FRMD4A: variants seen among roughly 807,000 people sequenced by gnomAD.
FRMD4A encodes FERM domain containing 4A.
Under a neutral mutation model 129.1 loss-of-function variants are expected in FRMD4A, and 29 were observed. The ratio of observed to expected loss-of-function variants is 0.22; its 90% confidence interval spans 0.17 to 0.31. FRMD4A has a LOEUF of 0.31. Among genes scored for constraint, FRMD4A ranks in the 10% least tolerant of loss-of-function variants. The probability of loss-of-function intolerance (pLI) is 1.00; values close to 1 mark genes in which losing one functional copy is unlikely to be tolerated. For missense variants in FRMD4A, 1,272 were observed against 1,375.8 expected, an observed-to-expected ratio of 0.92 and a Z score of 1.19; for synonymous variants, 634 against 571.6, an observed-to-expected ratio of 1.11 and a Z score of -1.56.
Position 13,779,959 on chromosome 10 carries a change from T to C in FRMD4A, c.384+2963A>G, listed in dbSNP as rs1057048824. ...CTAAGGGGGTGTGACGGAGATTGCA[T>C]TCATGAGACATTCATTGCATTCGTT... On this transcript the variant is annotated intron_variant, in intron 6 of 24. Transcript: ENST00000357447. Among the ~76,000 whole-genome samples the C allele has an allele frequency of 2.0e-5, 3 of 152,192 alleles. No homozygotes were observed. In the South Asian group the frequency reaches 6.2e-4, roughly 32 times the overall value.
chr10:14,168,784 T>C (rs1412036077), intron 2 of FRMD4A, among the ~76,000 whole-genome samples: 2 of 152,180 alleles, frequency 1.3e-5, no homozygotes, highest in African/African-American at 4.8e-5. Flanking sequence ...ATACATGTTA[T>C]ACAGAAAAAA....
intron 12 of FRMD4A, among the ~76,000 whole-genome samples, chr10:13,716,958 GC>G (rs11294388): frequency 0.19 from 28,577 of 152,102 alleles, 2,861 homozygotes; most frequent in East Asian, 0.23. Flanking sequence ...CCTATCCTCT[GC>G]CCCCTGATGT....
At chr10:13,964,734 C>A (rs879648984) in intron 2 of FRMD4A, among the ~76,000 whole-genome samples, 2 of 149,272 alleles carry the variant, frequency 1.3e-5, no homozygotes, top group African/African-American at 2.5e-5. Flanking sequence ...TGCAATGGCG[C>A]GATCTCAGCT....
intron 2 of FRMD4A, among the ~76,000 whole-genome samples, chr10:14,236,995 CA>C (rs71477244): frequency 0.1 from 7,509 of 75,110 alleles, 109 homozygotes; most frequent in East Asian, 0.21. Context: ...AACAGGTCAG[CA>C]AAAAAAAAAA....
intron 2 of FRMD4A, among the ~76,000 whole-genome samples, chr10:14,040,476 G>C (rs149562295): frequency 6.6e-6 from 1 of 152,278 alleles, no homozygotes; most frequent in East Asian, 1.9e-4. Flanking sequence ...GAATTTAGCT[G>C]AAGTTAATGT....
chr10:13,751,949 G>T (rs574754887), intron 8 of FRMD4A, among the ~76,000 whole-genome samples: 1 of 152,236 alleles, frequency 6.6e-6, no homozygotes, highest in Admixed American at 6.5e-5. Context: ...CCAGGAGTTT[G>T]ACATTAGAGT....
intron 8 of FRMD4A, among the ~76,000 whole-genome samples, chr10:13,758,559 G>A (rs2091948902): frequency 6.6e-6 from 1 of 152,190 alleles, no homozygotes; most frequent in African/African-American, 2.4e-5. Flanking sequence ...TGCCTGCAAG[G>A]GACTGGGGCC....
chr10:14,299,116 A>G (rs1268145974), intron 2 of FRMD4A, among the ~76,000 whole-genome samples: 1 of 152,196 alleles, frequency 6.6e-6, no homozygotes, highest in Admixed American at 6.5e-5. Context: ...TAGAGACAAG[A>G]TGAGCTTTCA....
intron 2 of FRMD4A, among the ~76,000 whole-genome samples, chr10:14,022,385 C>T (rs1378663404): frequency 6.6e-6 from 1 of 152,122 alleles, no homozygotes; most frequent in African/African-American, 2.4e-5. Context: ...GAGTGGGGAA[C>T]TCACAATGGG....
rs1249147785 is a variant in FRMD4A at position 13,895,847 on chromosome 10, A to G, written c.46-36935T>C. On this transcript the variant is annotated intron_variant, in intron 2 of 24. Coordinates refer to ENST00000357447, the MANE Select transcript of FRMD4A (RefSeq NM_018027.5). ...GAAAAAAACAAACAAGCCCATCAGAAAGTGGGCAAAAGATATGAACAGACA... is the reference window on the plus strand; with the variant it reads ...GAAAAAAACAAACAAGCCCATCAGAGAGTGGGCAAAAGATATGAACAGACA... Among the ~76,000 whole-genome samples, 4 of 152,348 alleles carry G rather than the reference A, an allele frequency of 2.6e-5. No homozygotes were observed. In the East Asian group the frequency reaches 7.7e-4, roughly 29 times the overall value.
intron 2 of FRMD4A, among the ~76,000 whole-genome samples, chr10:14,134,333 C>G (rs2131832554): frequency 6.9e-6 from 1 of 144,284 alleles, no homozygotes; most frequent in Admixed American, 6.9e-5. Context: ...AGATGTATGG[C>G]TAGATGAGTG....
intron 2 of FRMD4A, among the ~76,000 whole-genome samples, chr10:14,178,054 C>G (rs983429372): frequency 1.3e-5 from 2 of 152,154 alleles, no homozygotes; most frequent in East Asian, 3.9e-4. Flanking sequence ...AATTCCCTTA[C>G]CCCCTGCCCT....
At chr10:13,978,873 C>G (rs1483899783) in intron 2 of FRMD4A, among the ~76,000 whole-genome samples, 1 of 152,200 alleles carries the variant, frequency 6.6e-6, no homozygotes, top group Non-Finnish European at 1.5e-5. Flanking sequence ...CACTCCCAAG[C>G]AGCAAGCCAA....
intron 24 of FRMD4A, 181 bp from the exon 25 acceptor site, chr10:13,647,216 C>T (rs2081178820): frequency 6.6e-6 from 1 of 152,372 alleles, no homozygotes; most frequent in Non-Finnish European, 1.5e-5. Flanking sequence ...AGAAGGCCCC[C>T]AGAATCCACA....
At chr10:13,955,703 G>C (rs1194085008) in intron 2 of FRMD4A, among the ~76,000 whole-genome samples, 1 of 152,248 alleles carries the variant, frequency 6.6e-6, no homozygotes, top group Non-Finnish European at 1.5e-5. Flanking sequence ...TGGAGCCAGT[G>C]CCCTGCCGGG....
intron 2 of FRMD4A, among the ~76,000 whole-genome samples, chr10:14,093,503 A>G (rs1588959160): frequency 2.6e-5 from 4 of 152,348 alleles, no homozygotes; most frequent in Admixed American, 2.6e-4. Flanking sequence ...TGACATAATC[A>G]TGAGGTTCAC....
intron 2 of FRMD4A, among the ~76,000 whole-genome samples, chr10:13,876,911 T>C (rs1309017945): frequency 1.3e-5 from 2 of 152,122 alleles, no homozygotes. Flanking sequence ...CAGTGAAATA[T>C]GTTTTAATTT....
chr10:13,802,876 T>C (rs1183537122), intron 4 of FRMD4A, among the ~76,000 whole-genome samples: 1 of 152,090 alleles, frequency 6.6e-6, no homozygotes, highest in East Asian at 1.9e-4. Flanking sequence ...TTATAGTATG[T>C]GTGTTCATCA....
chr10:13,811,745 C>A (rs761759734), intron 3 of FRMD4A, among the ~76,000 whole-genome samples: 1 of 152,014 alleles, frequency 6.6e-6, no homozygotes, highest in Non-Finnish European at 1.5e-5. Context: ...CTGTCTGATG[C>A]GGAAACAGGG....
Sources: gnomAD v4.1 joint callset for allele counts (sites outside exome capture counted in the v4.1 genomes callset) on GRCh38, gnomAD v4.1.1 for gene constraint, MANE v1.5 for transcripts, NCBI Gene and HGNC (gene_info 2026-07-23, HGNC 2026-07-21) for gene names.